Variants in LRFN5 observed in about 807,000 individuals in gnomAD.
The protein encoded by LRFN5 is leucine-rich repeat and fibronectin type-III domain-containing protein 5.
A neutral mutation model predicts 45.6 loss-of-function variants in LRFN5; 24 were observed. That is an observed-to-expected ratio of 0.53 (90% confidence interval 0.38 to 0.74). The LOEUF (loss-of-function observed/expected upper bound fraction) is 0.74, where lower values mean the gene tolerates loss of function less well. Ranked by LOEUF, LRFN5 falls within the 30% of genes least tolerant of loss-of-function variation. The pLI is 0.00. For missense variants in LRFN5, 776 were observed against 861.5 expected (o/e 0.90, Z 1.24); for synonymous variants, 340 against 313.8 (o/e 1.08, Z -0.88).
chr14:41,871,925 T>C (rs1438090220), intron 2 of LRFN5, among the ~76,000 whole-genome samples: 1 of 152,174 alleles, frequency 6.6e-6, no homozygotes, highest in Admixed American at 6.5e-5. Context: ...CCAATAACCA[T>C]GTTGGTAAGC....
intron 1 of LRFN5, among the ~76,000 whole-genome samples, chr14:41,614,191 A>T (rs914013390): frequency 6.6e-6 from 1 of 152,080 alleles, no homozygotes; most frequent in African/African-American, 2.4e-5. Context: ...GTGTTTAGAC[A>T]TTTGTACAGT....
chr14:41,696,532 A>T (rs1882617357), intron 1 of LRFN5, among the ~76,000 whole-genome samples: 1 of 61,684 alleles, frequency 1.6e-5, no homozygotes, highest in Non-Finnish European at 2.8e-5. Flanking sequence ...TACCTCCCTG[A>T]TCATTCTGCA....
At chr14:41,614,091 T>G (rs985307853) in intron 1 of LRFN5, among the ~76,000 whole-genome samples, 2 of 152,104 alleles carry the variant, frequency 1.3e-5, no homozygotes, top group Non-Finnish European at 2.9e-5. Flanking sequence ...TGTGGTACTT[T>G]TCTTATTAAT....
chr14:41,670,486 G>T (rs1159118564), intron 1 of LRFN5, among the ~76,000 whole-genome samples: 3 of 150,878 alleles, frequency 2.0e-5, no homozygotes, highest in Non-Finnish European at 3.0e-5. Context: ...TTGAATTATA[G>T]AATGCTTAAT....
chr14:41,802,612 G>T (rs1192972316), intron 2 of LRFN5, among the ~76,000 whole-genome samples: 1 of 152,084 alleles, frequency 6.6e-6, no homozygotes, highest in African/African-American at 2.4e-5. Context: ...TAATAGGCTA[G>T]GATAAAATTT....
At chr14:41,707,936 T>G (rs1005330285) in intron 1 of LRFN5, among the ~76,000 whole-genome samples, 3 of 152,106 alleles carry the variant, frequency 2.0e-5, no homozygotes, top group African/African-American at 7.2e-5. Flanking sequence ...AATTAAAAGA[T>G]GTTCAAAAAC....
chr14:41,805,716 C>G (rs1376754514), intron 2 of LRFN5, among the ~76,000 whole-genome samples: 3 of 151,828 alleles, frequency 2.0e-5, no homozygotes, highest in Admixed American at 2.0e-4. Flanking sequence ...AGTAAACTAT[C>G]GCAAGAACAA....
intron 1 of LRFN5, among the ~76,000 whole-genome samples, chr14:41,707,658 A>G (rs1158512482): frequency 1.3e-5 from 2 of 152,208 alleles, no homozygotes; most frequent in East Asian, 3.9e-4. Context: ...TCAGTACAAT[A>G]CTAATTTAAA....
At chr14:41,870,699 T>C (rs1889989765) in intron 2 of LRFN5, among the ~76,000 whole-genome samples, 1 of 152,192 alleles carries the variant, frequency 6.6e-6, no homozygotes, top group African/African-American at 2.4e-5. Flanking sequence ...TTTTATTAAC[T>C]CAAAGTCAAA....
At chr14:41,689,057 T>G (rs1299508351) in intron 1 of LRFN5, among the ~76,000 whole-genome samples, 1 of 151,392 alleles carries the variant, frequency 6.6e-6, no homozygotes, top group Non-Finnish European at 1.5e-5. Context: ...ATCTCACCAC[T>G]GCACTGCAGT....
intron 1 of LRFN5, among the ~76,000 whole-genome samples, chr14:41,654,636 C>T (rs186424113): frequency 6.6e-6 from 1 of 152,030 alleles, no homozygotes; most frequent in East Asian, 1.9e-4. Context: ...AATACATTTT[C>T]AAGAAGAGAG....
intron 2 of LRFN5, among the ~76,000 whole-genome samples, chr14:41,775,181 C>A (rs1053358955): frequency 6.9e-6 from 1 of 145,072 alleles, no homozygotes; most frequent in Non-Finnish European, 1.5e-5. Flanking sequence ...AGCTCCGCCT[C>A]CCGGGTTCAC....
intron 2 of LRFN5, among the ~76,000 whole-genome samples, chr14:41,874,242 T>C (rs1178139416): frequency 5.9e-5 from 9 of 152,184 alleles, no homozygotes; most frequent in Non-Finnish European, 7.4e-5. Context: ...TGCAATGAGA[T>C]GCAGTAGAAA....
At chr14:41,711,198 A>G (rs1436271059) in intron 1 of LRFN5, among the ~76,000 whole-genome samples, 1 of 152,204 alleles carries the variant, frequency 6.6e-6, no homozygotes, top group Non-Finnish European at 1.5e-5. Flanking sequence ...GTACACCCAC[A>G]CACATACGCA....
chr14:41,872,201 T>G (rs1306860752), intron 2 of LRFN5, among the ~76,000 whole-genome samples: 2 of 152,242 alleles, frequency 1.3e-5, no homozygotes, highest in Non-Finnish European at 2.9e-5. Context: ...TGTCAAAAAC[T>G]TCTCAATTAG....
chr14:41,753,146 C>A (rs1440493615), intron 1 of LRFN5, among the ~76,000 whole-genome samples: 1 of 151,650 alleles, frequency 6.6e-6, no homozygotes, highest in Non-Finnish European at 1.5e-5. Context: ...GGTACCAGTA[C>A]CATGCTGTTT....
At chr14:41,611,231 G>A (rs957931863) in intron 1 of LRFN5, among the ~76,000 whole-genome samples, 8 of 152,180 alleles carry the variant, frequency 5.3e-5, no homozygotes. Flanking sequence ...GCAGATTGGA[G>A]TTAGGTTAAA....
intron 2 of LRFN5, among the ~76,000 whole-genome samples, chr14:41,878,019 C>T (rs1890245138): frequency 6.7e-6 from 1 of 149,254 alleles, no homozygotes; most frequent in Non-Finnish European, 1.5e-5. Flanking sequence ...ATTTTGAGGC[C>T]TGAATTTTAG....
At chr14:41,855,819 G>C (rs971565779) in intron 2 of LRFN5, among the ~76,000 whole-genome samples, 4 of 151,994 alleles carry the variant, frequency 2.6e-5, no homozygotes, top group African/African-American at 9.7e-5. Flanking sequence ...TTACCTCTTA[G>C]GATCTAACCA....
Sources: gnomAD v4.1 joint callset for allele counts (sites outside exome capture counted in the v4.1 genomes callset) on GRCh38, gnomAD v4.1.1 for gene constraint, MANE v1.5 for transcripts, NCBI Gene and HGNC (gene_info 2026-07-23, HGNC 2026-07-21) for gene names.